Variants in GLRA2 observed in about 807,000 individuals in gnomAD.
GLRA2 encodes the protein glycine receptor alpha 2, also known as glycine receptor subunit alpha-2.
Under a neutral mutation model 31.6 loss-of-function variants are expected in GLRA2, and 11 were observed. The observed-to-expected ratio is 0.35, with a 90% CI of 0.22 to 0.58. The LOEUF is 0.58. Among genes scored for constraint, GLRA2 ranks in the 20% least tolerant of loss-of-function variants. The probability of loss-of-function intolerance (pLI) is 0.84; values close to 1 mark genes in which losing one functional copy is unlikely to be tolerated. For synonymous variants in GLRA2, 132 were observed against 134.0 expected (o/e 0.99, Z 0.10); for missense variants, 212 against 351.8 (o/e 0.60, Z 3.18).
intron 8 of GLRA2, among the ~76,000 whole-genome samples, chrX:14,693,550 C>CTGAT (rs776615047): frequency 9.0e-6 from 1 of 111,679 alleles, no homozygotes; most frequent in East Asian, 2.8e-4. Flanking sequence ...CTCTCAGCAA[C>CTGAT]TGATAGAAAA....
At chrX:14,657,351 C>T (rs999549866) in intron 7 of GLRA2, among the ~76,000 whole-genome samples, 1 of 112,190 alleles carries the variant, frequency 8.9e-6, no homozygotes, top group Non-Finnish European at 1.9e-5. Flanking sequence ...AGACCAAACA[C>T]ATACAGAGAT....
At chrX:14,528,917 G>T (rs749557558), upstream of GLRA2, among the ~76,000 whole-genome samples, 268 of 111,950 alleles carry the variant, frequency 2.4e-3, 1 homozygote, top group Middle Eastern at 4.6e-3. Context: ...GTTGGAAGGG[G>T]CTTTCCCTAG....
chrX:14,519,011 CAA>C, the GLRA2 span, among the ~76,000 whole-genome samples: 3 of 27,256 alleles, frequency 1.1e-4, no homozygotes, highest in Non-Finnish European at 6.8e-5. Context: ...GACTCGGTCT[CAA>C]AAAAAAAAAA....
At chrX:14,722,142 C>G (rs1157498922) in intron 8 of GLRA2, among the ~76,000 whole-genome samples, 3 of 112,041 alleles carry the variant, frequency 2.7e-5, no homozygotes, top group African/African-American at 9.7e-5. Flanking sequence ...AAAACGATAA[C>G]AAGCAGTTCA....
chrX:14,591,917 C>T (rs2147078117), intron 4 of GLRA2, among the ~76,000 whole-genome samples: 1 of 111,581 alleles, frequency 9.0e-6, no homozygotes, highest in Admixed American at 9.5e-5. Context: ...GGCAATGGTA[C>T]AAAGAACAGA....
At chrX:14,551,498 C>G (rs1384190438) in intron 2 of GLRA2, among the ~76,000 whole-genome samples, 1 of 110,939 alleles carries the variant, frequency 9.0e-6, no homozygotes, top group African/African-American at 3.3e-5. Flanking sequence ...TGGTAAAGAA[C>G]AGTTGGTGGC....
In GLRA2 at chrX:14,650,157, T is replaced by C. The variant is rs189692342; in HGVS notation, c.931-40553T>C. 6.3e-5 allele frequency among the ~76,000 whole-genome samples: 7 copies of C among 111,573 alleles called. No individual in the cohort carries two copies. The South Asian group carries it at 1.1e-3, about 18-fold the overall frequency. On this transcript the variant is annotated intron_variant, in intron 7 of 8. Coordinates refer to ENST00000218075, the MANE Select transcript of GLRA2 (RefSeq NM_002063.4). ...TACTATAGGGAAATCTTTGATGCAATATTACAATATATAATAAATAACAAT... is the reference window on the plus strand; with the variant it reads ...TACTATAGGGAAATCTTTGATGCAACATTACAATATATAATAAATAACAAT...
At chrX:14,671,199 T>C (rs2091088852) in intron 7 of GLRA2, among the ~76,000 whole-genome samples, 1 of 111,708 alleles carries the variant, frequency 9.0e-6, no homozygotes, top group Non-Finnish European at 1.9e-5. Flanking sequence ...ATAGGATATT[T>C]GCTAGTAAGA....
chrX:14,623,559 AG>A (rs760664637), intron 7 of GLRA2, among the ~76,000 whole-genome samples: 2 of 111,720 alleles, frequency 1.8e-5, no homozygotes, highest in African/African-American at 3.3e-5. Flanking sequence ...TTTAGCATGA[AG>A]GGCCATTGAA....
the GLRA2 span, among the ~76,000 whole-genome samples, chrX:14,453,089 C>T: frequency 1.8e-5 from 2 of 111,017 alleles, no homozygotes; most frequent in East Asian, 2.8e-4. Flanking sequence ...CTGGGTGATG[C>T]GTTAAGGGGA....
At chrX:14,596,849 G>A (rs1270422323) in intron 4 of GLRA2, among the ~76,000 whole-genome samples, 1 of 110,808 alleles carries the variant, frequency 9.0e-6, no homozygotes, top group Non-Finnish European at 1.9e-5. Context: ...TATCAAGAGG[G>A]CCTGATAATC....
Position 14,654,393 on chromosome X carries a change from A to C in GLRA2, c.931-36317A>C, listed in dbSNP as rs765083340. 3.6e-5 allele frequency among the ~76,000 whole-genome samples: 4 copies of C among 112,296 alleles called. No individual in the cohort carries two copies. The South Asian group carries it at 1.5e-3, about 42-fold the overall frequency. On this transcript the variant is annotated intron_variant, in intron 7 of 8. Coordinates refer to ENST00000218075, the MANE Select transcript of GLRA2 (RefSeq NM_002063.4). ...TGTTTTAGACATAATGCTATGTCTA[A>C]AATTTTAGACATTTTTAGACATAAT...
At position 14,580,300 on chromosome X, in the gene GLRA2, G is replaced by A. The variant is rs758217459; in HGVS notation, c.271-883G>A. Among the ~76,000 whole-genome samples, 4 of 112,738 alleles carry A rather than the reference G, an allele frequency of 3.5e-5. No homozygotes were observed. In the East Asian group the frequency reaches 1.1e-3, roughly 31 times the overall value. ...TATATCACACTTGTGGTCACACGTA[G>A]CAATAGTGGATAACTACTAGCTCTG... On this transcript the variant is annotated intron_variant, in intron 3 of 8. Transcript: ENST00000218075.
At chrX:14,726,464 T>C (rs2091929942) in intron 8 of GLRA2, among the ~76,000 whole-genome samples, 2 of 112,605 alleles carry the variant, frequency 1.8e-5, no homozygotes, top group Admixed American at 9.4e-5. Context: ...GGTTTATTTT[T>C]GTGGCAGAGA....
At chrX:14,680,990 T>C (rs1275216747) in intron 7 of GLRA2, among the ~76,000 whole-genome samples, 1 of 112,336 alleles carries the variant, frequency 8.9e-6, no homozygotes, top group African/African-American at 3.2e-5. Flanking sequence ...AAAACATTTA[T>C]GGGCCATGTG....
intron 2 of GLRA2, among the ~76,000 whole-genome samples, chrX:14,535,924 T>G (rs780988645): frequency 1.8e-5 from 2 of 112,718 alleles, no homozygotes; most frequent in African/African-American, 6.4e-5. Flanking sequence ...TTATCTATTT[T>G]AATGAAATTT....
intron 2 of GLRA2, among the ~76,000 whole-genome samples, chrX:14,562,167 G>A (rs60365210): frequency 0.037 from 4,109 of 112,276 alleles, 181 homozygotes; most frequent in African/African-American, 0.12. Flanking sequence ...CAACAAAACG[G>A]CACAGTAGAC....
the GLRA2 span, among the ~76,000 whole-genome samples, chrX:14,466,133 G>A: frequency 8.9e-6 from 1 of 111,752 alleles, no homozygotes; most frequent in Non-Finnish European, 1.9e-5. Flanking sequence ...ATCCTGGATT[G>A]TAACCTTTGA....
intron 8 of GLRA2, among the ~76,000 whole-genome samples, chrX:14,727,458 T>A (rs1442412961): frequency 8.9e-6 from 1 of 112,111 alleles, no homozygotes; most frequent in Non-Finnish European, 1.9e-5. Context: ...TACTTCACAC[T>A]GGTTGAGATC....
Sources: gnomAD v4.1 joint callset for allele counts (sites outside exome capture counted in the v4.1 genomes callset) on GRCh38, gnomAD v4.1.1 for gene constraint, MANE v1.5 for transcripts, NCBI Gene and HGNC (gene_info 2026-07-23, HGNC 2026-07-21) for gene names.